The following DIP2C variants were observed in gnomAD, a reference collection of about 807,000 sequenced individuals.
The protein encoded by DIP2C is disco-interacting protein 2 homolog C.
In DIP2C, 33 loss-of-function variants were observed where a neutral mutation model predicts 192.4. The observed-to-expected ratio is 0.17, with a 90% confidence interval of 0.13 to 0.23. The LOEUF is 0.23. DIP2C is among the 10% of genes least tolerant of loss of function. The probability of loss-of-function intolerance (pLI) is 1.00; values close to 1 mark genes in which losing one functional copy is unlikely to be tolerated. For synonymous variants in DIP2C, 979 were observed against 864.1 expected, an observed-to-expected ratio of 1.13 and a Z score of -2.33; for missense variants, 1,537 against 2,110.1, an observed-to-expected ratio of 0.73 and a Z score of 5.32.
intron 2 of DIP2C, chr10:484,689 C>G (rs1361246779): frequency 6.8e-7 from 1 of 1,476,180 alleles, no homozygotes; most frequent in Non-Finnish European, 9.0e-7. Context: ...AAGGCCACAC[C>G]CTACACGTCT....
rs114873172 is a variant in DIP2C at position 646,823 on chromosome 10, C to T, written c.85+42671G>A. The stretch of plus-strand genomic sequence containing the variant: ...CTCAACTGGGGGAGGTGGGCACACA[C>T]AGAGTGTGGAAGTGAAAATCCTTTT... On this transcript the variant is annotated intron_variant, in intron 1 of 36. Coordinates refer to ENST00000280886, the MANE Select transcript of DIP2C (RefSeq NM_014974.3). Among the ~76,000 whole-genome samples, 188 of 152,362 alleles carry T rather than the reference C, an allele frequency of 1.2e-3. 1 individual carries two copies. The highest frequency in any genetic ancestry group is 4.1e-3 in the African/African-American group (171 of 41,582).
intron 19 of DIP2C, chr10:365,054 ATCAGT>A (rs767564295): frequency 3.8e-6 from 2 of 525,320 alleles, no homozygotes; most frequent in East Asian, 1.1e-4. Context: ...AGCAAATCAG[ATCAGT>A]TCAAACTCTA....
rs187946364 is a variant in DIP2C, at chr10:314,111, T to C, written c.3925-4019A>G. On this transcript the variant is annotated intron_variant, in intron 31 of 36. Transcript: ENST00000280886. ...GACACTCTTCAAATGGAAAGGAAAA[T>C]GACACAAAATTTGACTACTTCTTTG... is the stretch of plus-strand genomic sequence containing the variant. Among the ~76,000 whole-genome samples the C allele has an allele frequency of 3.3e-5, 5 of 152,288 alleles. No individual in the cohort carries two copies. The East Asian group carries it at 9.6e-4, about 29-fold the overall frequency.
rs752850979 is a variant in DIP2C at position 348,495 on chromosome 10, AGAGAC to A, written c.3231+141_3231+145del. On this transcript the variant is annotated intron_variant, in intron 26 of 36. Coordinates refer to ENST00000280886, the MANE Select transcript of DIP2C (RefSeq NM_014974.3). ...CCTAGACTCTAGGCTCCCTGCAGGT[AGAGAC>A]CCTGTCCTGACCGTTTGACTCCAGA... is the stretch of plus-strand genomic sequence containing the variant. The A allele has an allele frequency of 1.2e-3, 1,496 of 1,270,892 alleles. 1 individual carries two copies. Among genetic ancestry groups the A allele is most frequent in the Non-Finnish European group, 1.5e-3 (1,366 of 928,924 alleles). 78.7% of individuals were successfully genotyped at this position (1,270,892 alleles called of 1,614,324 possible). A position where few individuals can be genotyped will look rare whatever the true frequency, so the allele number is the denominator to read the frequency against.
intron 1 of DIP2C, among the ~76,000 whole-genome samples, chr10:633,383 G>A (rs906028404): frequency 5.3e-5 from 8 of 152,088 alleles, no homozygotes; most frequent in Non-Finnish European, 7.4e-5. Context: ...GGGGGAGTCC[G>A]AGGCGGTGCC....
At chr10:657,990 C>T (rs1445968050) in intron 1 of DIP2C, among the ~76,000 whole-genome samples, 1 of 150,664 alleles carries the variant, frequency 6.6e-6, no homozygotes, top group Non-Finnish European at 1.5e-5. Context: ...TGCCGCTGGA[C>T]CTGCCACTGG....
At chr10:518,688 A>G (rs565765575) in intron 1 of DIP2C, among the ~76,000 whole-genome samples, 2 of 152,242 alleles carry the variant, frequency 1.3e-5, no homozygotes, top group African/African-American at 4.8e-5. Flanking sequence ...GTGAGAAACA[A>G]ATTCCTGTTG....
chr10:307,656 G>A (rs2132305772), intron 32 of DIP2C, among the ~76,000 whole-genome samples: 1 of 152,286 alleles, frequency 6.6e-6, no homozygotes, highest in East Asian at 1.9e-4. Context: ...GGTTAGAAAG[G>A]TCAAAGAGAG....
chr10:352,246 C>T (rs1391829917), intron 24 of DIP2C, among the ~76,000 whole-genome samples: 1 of 152,272 alleles, frequency 6.6e-6, no homozygotes, highest in Non-Finnish European at 1.5e-5. Flanking sequence ...AGATGAGACA[C>T]AGCCAGCAGC....
chr10:469,980 T>G (rs1364487625), intron 3 of DIP2C, among the ~76,000 whole-genome samples: 1 of 152,046 alleles, frequency 6.6e-6, no homozygotes, highest in Non-Finnish European at 1.5e-5. Flanking sequence ...CGTATTCTTA[T>G]GGAAGAAAGT....
intron 3 of DIP2C, among the ~76,000 whole-genome samples, chr10:469,470 C>G (rs1242421867): frequency 6.6e-6 from 1 of 152,024 alleles, no homozygotes; most frequent in Admixed American, 6.6e-5. Context: ...GCATGCACCA[C>G]CATGCCTGGC....
At chr10:347,343 G>C (rs1462705762) in intron 26 of DIP2C, among the ~76,000 whole-genome samples, 569 of 52,294 alleles carry the variant, frequency 0.011, no homozygotes, top group Non-Finnish European at 0.015. Flanking sequence ...TCCCGGAAAC[G>C]TCACACACAC....
chr10:588,891 C>T (rs957041394), intron 1 of DIP2C, among the ~76,000 whole-genome samples: 3 of 152,204 alleles, frequency 2.0e-5, no homozygotes, highest in African/African-American at 7.2e-5. Context: ...TCACCGGGCC[C>T]CACGTTTGTG....
At chr10:359,115 G>T (rs1959195516) in intron 22 of DIP2C, among the ~76,000 whole-genome samples, 1 of 152,134 alleles carries the variant, frequency 6.6e-6, no homozygotes, top group Non-Finnish European at 1.5e-5. Context: ...CAGCTGACGG[G>T]GCAGTGGCAC....
At chr10:683,385 T>C (rs1831199500) in intron 1 of DIP2C, among the ~76,000 whole-genome samples, 1 of 152,202 alleles carries the variant, frequency 6.6e-6, no homozygotes, top group Non-Finnish European at 1.5e-5. Context: ...TGGATGCAAT[T>C]ACTTCTTTTG....
chr10:643,560 C>G (rs1209518295), intron 1 of DIP2C, among the ~76,000 whole-genome samples: 1 of 152,204 alleles, frequency 6.6e-6, no homozygotes, highest in East Asian at 1.9e-4. Flanking sequence ...GTGGAACAAG[C>G]CCTTGCCCCA....
intron 17 of DIP2C, among the ~76,000 whole-genome samples, chr10:374,654 C>CAA (rs1371591079): frequency 6.6e-6 from 1 of 152,216 alleles, no homozygotes; most frequent in Admixed American, 6.5e-5. Flanking sequence ...AAATGCTTCC[C>CAA]AATTTGTTCA....
intron 32 of DIP2C, among the ~76,000 whole-genome samples, chr10:300,878 C>T (rs1249798924): frequency 6.6e-6 from 1 of 152,174 alleles, no homozygotes; most frequent in Non-Finnish European, 1.5e-5. Flanking sequence ...GGAACTCGCT[C>T]TAAGCAGCCG....
intron 5 of DIP2C, among the ~76,000 whole-genome samples, chr10:421,529 AT>A (rs929527943): frequency 1.3e-5 from 2 of 152,200 alleles, no homozygotes; most frequent in African/African-American, 4.8e-5. Context: ...ACAAAAAAAA[AT>A]AACAGTCACA....
Sources: allele counts gnomAD v4.1 joint callset (sites outside exome capture counted in the v4.1 genomes callset), GRCh38; gene constraint gnomAD v4.1.1; transcripts MANE v1.5; gene names NCBI Gene and HGNC (gene_info 2026-07-23, HGNC 2026-07-21).